The following CTIF variants were observed in gnomAD, a reference collection of about 807,000 sequenced individuals.
The protein encoded by CTIF is cap binding complex dependent translation initiation factor, also known as CBP80/20-dependent translation initiation factor.
Under a neutral mutation model 66.0 loss-of-function variants are expected in CTIF, and 21 were observed. That is an observed-to-expected ratio of 0.32 (90% CI 0.23 to 0.46). The LOEUF (loss-of-function observed/expected upper bound fraction) is 0.46. Ranked by LOEUF, CTIF falls within the 20% of genes least tolerant of loss-of-function variation. The pLI is 1.00. For synonymous variants in CTIF, 345 were observed against 326.4 expected (o/e 1.06, Z -0.62); for missense variants, 739 against 812.7 (o/e 0.91, Z 1.10).
chr18:48,783,301 G>C (rs76575902), intron 9 of CTIF, among the ~76,000 whole-genome samples: 1 of 152,118 alleles, frequency 6.6e-6, no homozygotes, highest in Non-Finnish European at 1.5e-5. Flanking sequence ...AAAAGTCGTC[G>C]ACTGCCCTTT....
chr18:48,741,480 G>C, intron 7 of CTIF, among the ~76,000 whole-genome samples: 1 of 143,436 alleles, frequency 7.0e-6, no homozygotes, highest in South Asian at 2.2e-4. Context: ...TTGGAGTGCA[G>C]TGTTGCAGTC....
At chr18:48,672,215 A>T (rs1339806914) in intron 6 of CTIF, among the ~76,000 whole-genome samples, 1 of 151,496 alleles carries the variant, frequency 6.6e-6, no homozygotes, top group Non-Finnish European at 1.5e-5. Context: ...GCACAATGGG[A>T]TGACTTATCT....
At chr18:48,737,257 G>A (rs2145716349) in intron 7 of CTIF, among the ~76,000 whole-genome samples, 1 of 152,284 alleles carries the variant, frequency 6.6e-6, no homozygotes, top group Middle Eastern at 3.4e-3. Flanking sequence ...CAAGAGCTGG[G>A]CTCCCCAAGG....
intron 9 of CTIF, among the ~76,000 whole-genome samples, chr18:48,776,381 C>T (rs1333559608): frequency 6.6e-6 from 1 of 152,172 alleles, no homozygotes; most frequent in African/African-American, 2.4e-5. Context: ...GATGCCACCC[C>T]CAGGAGCTCT....
chr18:48,675,674 C>T (rs2091616319), intron 6 of CTIF, among the ~76,000 whole-genome samples: 1 of 152,068 alleles, frequency 6.6e-6, no homozygotes, highest in Non-Finnish European at 1.5e-5. Context: ...ATGTCCCCTG[C>T]TAGGCCAAGG....
At chr18:48,655,318 AAAG>A (rs1555665005) in intron 3 of CTIF, among the ~76,000 whole-genome samples, 59 of 139,302 alleles carry the variant, frequency 4.2e-4, no homozygotes, top group African/African-American at 1.5e-3. Context: ...AAAAAAAAAA[AAAG>A]AAGAATAAAA....
At chr18:48,636,499 T>C in intron 2 of CTIF, 115 bp from the exon 3 acceptor site, 2 of 675,742 alleles carry the variant, frequency 3.0e-6, no homozygotes, top group Admixed American at 4.2e-5. Flanking sequence ...AATGGCCAAA[T>C]AGGATTCCAC....
chr18:48,762,796 T>C (rs1909135820), intron 9 of CTIF, among the ~76,000 whole-genome samples: 1 of 152,188 alleles, frequency 6.6e-6, no homozygotes, highest in South Asian at 2.1e-4. Context: ...ACCTTAACCA[T>C]GTGGTTCGCA....
chr18:48,776,772 G>A (rs1568210450), intron 9 of CTIF, among the ~76,000 whole-genome samples: 1 of 152,268 alleles, frequency 6.6e-6, no homozygotes, highest in Non-Finnish European at 1.5e-5. Flanking sequence ...CGGGTGGGAA[G>A]AGAAGATGGG....
At chr18:48,819,774 T>C (rs1271378596) in intron 10 of CTIF, among the ~76,000 whole-genome samples, 1 of 152,232 alleles carries the variant, frequency 6.6e-6, no homozygotes, top group Non-Finnish European at 1.5e-5. Context: ...TGTACCAAGC[T>C]AACTAGGGCC....
At chr18:48,587,452 G>A (rs922643119) in intron 1 of CTIF, among the ~76,000 whole-genome samples, 1 of 151,736 alleles carries the variant, frequency 6.6e-6, no homozygotes, top group Non-Finnish European at 1.5e-5. Flanking sequence ...AAACCTCCCA[G>A]CTACCACTGT....
chr18:48,644,219 C>T (rs922411195), intron 3 of CTIF, among the ~76,000 whole-genome samples: 3 of 152,134 alleles, frequency 2.0e-5, no homozygotes, highest in Non-Finnish European at 4.4e-5. Context: ...ACCTATTGAT[C>T]GGCTCCAATC....
rs536753814 is a variant in CTIF, at chr18:48,812,026, G to A, written c.1372-5195G>A. On this transcript the variant is annotated intron_variant, in intron 9 of 11. Transcript: ENST00000256413. ...CCCCCAGGCTGGGGTGCAGTGGCAT[G>A]ATCTCAGCTCACTGCCACCTCCGCC... is the stretch of plus-strand genomic sequence containing the variant. Among the ~76,000 whole-genome samples, 5 of 152,306 alleles carry A rather than the reference G, an allele frequency of 3.3e-5. No homozygotes were observed. The East Asian group carries it at 9.6e-4, about 29-fold the overall frequency.
intron 7 of CTIF, among the ~76,000 whole-genome samples, chr18:48,729,890 A>T (rs2092422383): frequency 6.6e-6 from 1 of 152,144 alleles, no homozygotes; most frequent in South Asian, 2.1e-4. Flanking sequence ...GTGGCGATGG[A>T]CAGAAGAGGA....
At chr18:48,615,592 G>A (rs899286612) in intron 1 of CTIF, among the ~76,000 whole-genome samples, 4 of 152,238 alleles carry the variant, frequency 2.6e-5, no homozygotes, top group Admixed American at 6.5e-5. Context: ...CACCCCACTC[G>A]GAGTTGCTGA....
At chr18:48,591,549 C>T (rs2089887513) in intron 1 of CTIF, among the ~76,000 whole-genome samples, 1 of 152,218 alleles carries the variant, frequency 6.6e-6, no homozygotes, top group Non-Finnish European at 1.5e-5. Context: ...AGAGGCAGAA[C>T]TGAAGAGAGT....
At chr18:48,557,810 CG>C (rs1227209340) in intron 1 of CTIF, among the ~76,000 whole-genome samples, 1 of 152,244 alleles carries the variant, frequency 6.6e-6, no homozygotes, top group Non-Finnish European at 1.5e-5. Flanking sequence ...GGGTCCCACA[CG>C]GTCTCTCCTC....
chr18:48,586,666 G>A (rs192740820), intron 1 of CTIF, among the ~76,000 whole-genome samples: 67 of 152,298 alleles, frequency 4.4e-4, no homozygotes, highest in African/African-American at 1.1e-3. Flanking sequence ...ACCTGTTTCT[G>A]TTGCTTCCTT....
intron 6 of CTIF, among the ~76,000 whole-genome samples, chr18:48,711,135 C>T (rs539656166): frequency 4.5e-4 from 69 of 152,290 alleles, no homozygotes; most frequent in African/African-American, 1.6e-3. Flanking sequence ...CTTCACAGGG[C>T]TTAGGGTTTT....
Sources: gnomAD v4.1 joint callset for allele counts (sites outside exome capture counted in the v4.1 genomes callset) on GRCh38, gnomAD v4.1.1 for gene constraint, MANE v1.5 for transcripts, NCBI Gene and HGNC (gene_info 2026-07-23, HGNC 2026-07-21) for gene names.